RBFOX1: variants seen among roughly 807,000 people sequenced by gnomAD.
The protein encoded by RBFOX1 is RNA binding protein fox-1 homolog 1.
A neutral mutation model predicts 57.7 loss-of-function variants in RBFOX1; 8 were observed. The ratio of observed to expected loss-of-function variants is 0.14; its 90% CI spans 0.08 to 0.25. The LOEUF is 0.25. Among genes scored for constraint, RBFOX1 ranks in the 10% least tolerant of loss-of-function variants. The pLI is 1.00. For synonymous variants in RBFOX1, 326 were observed against 222.4 expected (o/e 1.47, Z -4.15); for missense variants, 611 against 548.5 (o/e 1.11, Z -1.14).
At chr16:6,990,942 C>G (rs958385345) in intron 3 of RBFOX1, among the ~76,000 whole-genome samples, 17 of 152,002 alleles carry the variant, frequency 1.1e-4, no homozygotes, top group African/African-American at 3.4e-4. Context: ...TGAGAACCAC[C>G]ACATTGTTCA....
At chr16:6,909,861 G>A (rs796475127) in intron 3 of RBFOX1, among the ~76,000 whole-genome samples, 7 of 152,222 alleles carry the variant, frequency 4.6e-5, no homozygotes, top group African/African-American at 1.4e-4. Flanking sequence ...GACCACCCTC[G>A]TGTGACTGAA....
At chr16:5,524,367 T>C (rs2044149602) in intron 2 of RBFOX1, among the ~76,000 whole-genome samples, 1 of 152,356 alleles carries the variant, frequency 6.6e-6, no homozygotes, top group South Asian at 2.1e-4. Context: ...GAGACACTTC[T>C]ATTAAAATTC....
Position 6,920,254 on chromosome 16 carries a change from G to GT in RBFOX1, c.-15-131796dup, listed in dbSNP as rs5815353. On this transcript the variant is annotated intron_variant, in intron 3 of 15. Coordinates refer to ENST00000550418, the MANE Select transcript of RBFOX1 (RefSeq NM_018723.4). The stretch of plus-strand genomic sequence containing the variant: ...GCTATAAACATGGGTATGCACATGT[G>GT]TTTTTTTATATGACTTCTTTCCTTT... Among the ~76,000 whole-genome samples, 23 of 152,018 alleles carry GT rather than the reference G, an allele frequency of 1.5e-4. 1 individual carries two copies. In the South Asian group the frequency reaches 4.6e-3, roughly 30 times the overall value.
At chr16:7,456,235 A>G (rs116591901) in intron 4 of RBFOX1, among the ~76,000 whole-genome samples, 1 of 152,102 alleles carries the variant, frequency 6.6e-6, no homozygotes, top group African/African-American at 2.4e-5. Context: ...CCACGTTAGG[A>G]CCCTCCTCTC....
At chr16:6,013,245 A>G (rs570279254) in intron 4 of RBFOX1, among the ~76,000 whole-genome samples, 57 of 152,354 alleles carry the variant, frequency 3.7e-4, no homozygotes, top group Non-Finnish European at 6.3e-4. Context: ...ATAAAGTTAT[A>G]CTAAATAGCA....
chr16:5,631,746 G>C (rs901068770), intron 3 of RBFOX1, among the ~76,000 whole-genome samples: 1 of 152,118 alleles, frequency 6.6e-6, no homozygotes, highest in Non-Finnish European at 1.5e-5. Context: ...CTTAGGAGGT[G>C]CTTACTGAGT....
chr16:6,429,777 C>T (rs894426502), intron 2 of RBFOX1, among the ~76,000 whole-genome samples: 6 of 152,150 alleles, frequency 3.9e-5, no homozygotes, highest in South Asian at 2.1e-4. Context: ...TTGCTTTCCC[C>T]TTTGTCTTTC....
intron 1 of RBFOX1, among the ~76,000 whole-genome samples, chr16:5,404,215 G>T (rs78781799): frequency 0.027 from 4,166 of 152,220 alleles, 65 homozygotes; most frequent in African/African-American, 0.042. Context: ...TTTAGGTGAT[G>T]AGTGCCTGGG....
At chr16:6,501,267 T>A (rs1178981674) in intron 2 of RBFOX1, among the ~76,000 whole-genome samples, 2 of 150,190 alleles carry the variant, frequency 1.3e-5, no homozygotes, top group African/African-American at 4.9e-5. Context: ...ATTAGGTATA[T>A]CTCCAAATGC....
intron 2 of RBFOX1, among the ~76,000 whole-genome samples, chr16:6,591,799 C>A (rs980260809): frequency 6.6e-6 from 1 of 152,174 alleles, no homozygotes; most frequent in Admixed American, 6.5e-5. Context: ...TTTAAACGCA[C>A]TAACAAACCT....
chr16:5,917,918 C>T (rs1203337920), intron 4 of RBFOX1, among the ~76,000 whole-genome samples: 1 of 152,098 alleles, frequency 6.6e-6, no homozygotes, highest in Non-Finnish European at 1.5e-5. Context: ...GACCTCTTAG[C>T]TCCTAGAATA....
Position 5,599,359 on chromosome 16 carries a change from G to C in RBFOX1, c.*110G>C, listed in dbSNP as rs2047291630. 4 of 605,544 alleles carry C rather than the reference G, an allele frequency of 6.6e-6. No homozygotes were observed. The East Asian group carries it at 1.1e-4, about 17-fold the overall frequency. 37.5% of individuals were successfully genotyped at this position (605,544 alleles called of 1,614,324 possible). A position where few individuals can be genotyped will look rare whatever the true frequency, so the allele number is the denominator to read the frequency against. ...TTGTCTTCCTAGTAAGGACAGGAAT[G>C]CTTACTGAGTGCTCTGGGGTCCTGC... On this transcript the variant is annotated 3_prime_UTR_variant, in exon 3 of 3. Transcript: ENST00000585867.
chr16:7,439,568 G>A (rs765507567), intron 4 of RBFOX1, among the ~76,000 whole-genome samples: 5 of 152,158 alleles, frequency 3.3e-5, no homozygotes, highest in Admixed American at 2.0e-4. Context: ...GAAAGGCAAC[G>A]AGGAGAGCAT....
chr16:5,345,834 G>A (rs75507972), intron 1 of RBFOX1, among the ~76,000 whole-genome samples: 3,755 of 152,286 alleles, frequency 0.025, 156 homozygotes, highest in African/African-American at 0.085. Context: ...TGGACTTAAA[G>A]GAATGATGCT....
chr16:7,412,757 T>G (rs1238817067), intron 4 of RBFOX1, among the ~76,000 whole-genome samples: 1 of 152,178 alleles, frequency 6.6e-6, no homozygotes, highest in African/African-American at 2.4e-5. Context: ...AATCATGGAA[T>G]TACGACTGGG....
chr16:6,584,634 G>C (rs1332917863), intron 2 of RBFOX1, among the ~76,000 whole-genome samples: 1 of 151,980 alleles, frequency 6.6e-6, no homozygotes, highest in South Asian at 2.1e-4. Context: ...CTCCCAAAGT[G>C]CTGGGATTAC....
chr16:7,014,492 T>C (rs956358055), intron 3 of RBFOX1, among the ~76,000 whole-genome samples: 3 of 151,752 alleles, frequency 2.0e-5, no homozygotes, highest in African/African-American at 7.3e-5. Flanking sequence ...GGTGATCCAC[T>C]CTCCTCCCAC....
intron 1 of RBFOX1, among the ~76,000 whole-genome samples, chr16:5,431,374 T>A (rs1447334344): frequency 1.3e-5 from 2 of 152,128 alleles, no homozygotes; most frequent in Non-Finnish European, 1.5e-5. Flanking sequence ...TGGCTTATTT[T>A]ATTTATTTAT....
At chr16:6,222,215 C>G (rs1393899523) in intron 1 of RBFOX1, among the ~76,000 whole-genome samples, 1 of 152,146 alleles carries the variant, frequency 6.6e-6, no homozygotes, top group Non-Finnish European at 1.5e-5. Flanking sequence ...TATGAAATAA[C>G]TCTCGTGGGT....
Sources: gnomAD v4.1 joint callset for allele counts (sites outside exome capture counted in the v4.1 genomes callset) on GRCh38, gnomAD v4.1.1 for gene constraint, MANE v1.5 for transcripts, NCBI Gene and HGNC (gene_info 2026-07-23, HGNC 2026-07-21) for gene names.